Variants in SH3TC1 observed in about 807,000 individuals in gnomAD.
The protein encoded by SH3TC1 is SH3 domain and tetratricopeptide repeat-containing protein 1.
In SH3TC1, 135 loss-of-function variants were observed where a neutral mutation model predicts 117.3. The observed-to-expected ratio is 1.15, with a 90% CI of 1.00 to 1.33. SH3TC1 has a LOEUF of 1.33. SH3TC1 is among the 40% of genes most tolerant of loss of function. The pLI, the probability that SH3TC1 is intolerant of heterozygous loss-of-function variation, is 0.00. For missense variants in SH3TC1, 2,092 were observed against 1,794.3 expected, an observed-to-expected ratio of 1.17 and a Z score of -3.00; for synonymous variants, 898 against 816.9, an observed-to-expected ratio of 1.10 and a Z score of -1.69.
intron 8 of SH3TC1, 50 bp from the exon 9 acceptor site, chr4:8,219,285 T>A: frequency 6.7e-7 from 1 of 1,500,502 alleles, no homozygotes; most frequent in Middle Eastern, 1.8e-4. Context: ...CTGCCCGCTC[T>A]GGCCCCCATT....
intron 15 of SH3TC1, 36 bp downstream of exon 15, chr4:8,235,591 A>T (rs200827532): frequency 6.5e-7 from 1 of 1,532,672 alleles, no homozygotes; most frequent in Non-Finnish European, 8.8e-7. Flanking sequence ...GGTGGGCCCC[A>T]GGGGGGGCAC....
chr4:8,191,163 C>T (rs1185499674), intron 1 of SH3TC1, among the ~76,000 whole-genome samples: 1 of 152,198 alleles, frequency 6.6e-6, no homozygotes, highest in Non-Finnish European at 1.5e-5. Flanking sequence ...GAGCACTGTG[C>T]TAAGGAGTCT....
chr4:8,216,869 C>T (rs1719331553), intron 6 of SH3TC1, 88 bp from the exon 7 acceptor site: 6 of 1,380,038 alleles, frequency 4.3e-6, no homozygotes, highest in East Asian at 2.3e-5. Flanking sequence ...GTGTTGCCTT[C>T]GTTGTCTGTC....
At chr4:8,234,578 T>C (rs1028444897) in intron 14 of SH3TC1, among the ~76,000 whole-genome samples, 1 of 76,798 alleles carries the variant, frequency 1.3e-5, no homozygotes. Flanking sequence ...TATCCATCCA[T>C]CCACCCATCC....
intron 4 of SH3TC1, 137 bp from the exon 5 acceptor site, chr4:8,214,338 G>A: frequency 1.4e-6 from 1 of 715,006 alleles, no homozygotes; most frequent in Non-Finnish European, 2.3e-6. Context: ...CTTGGGCTGT[G>A]AAGGAATCTG....
At chr4:8,221,556 A>G (rs987796402) in intron 9 of SH3TC1, among the ~76,000 whole-genome samples, 1 of 152,198 alleles carries the variant, frequency 6.6e-6, no homozygotes, top group Admixed American at 6.5e-5. Context: ...AAATGTTAAC[A>G]TGTTATGACA....
In SH3TC1 at chr4:8,236,404, GC is replaced by G. The variant is rs777781120; in HGVS notation, c.3535del (p.Leu1179Ter). Reference sequence around the variant, plus strand: ...GGAGGGCTTGGAGTTTGCCCACATGGCCCTAGCACTCAGCATCACCCTGGGT... The same window carrying G: ...GGAGGGCTTGGAGTTTGCCCACATGGCCTAGCACTCAGCATCACCCTGGGT... The part of the protein sequence containing the change: ...PQEGLEFAHM[A>X]LALSITLGDR... On this transcript the variant is annotated frameshift_variant, in exon 16 of 18. Coordinates refer to ENST00000245105, the MANE Select transcript of SH3TC1 (RefSeq NM_018986.5). LOFTEE classifies it high-confidence loss of function. 6.6e-6 allele frequency: 10 copies of G among 1,513,354 alleles called. No individual in the cohort carries two copies. The highest frequency in any genetic ancestry group is 8.9e-6 in the Non-Finnish European group (10 of 1,125,662). The allele number at this position is 1,513,354 out of a possible 1,614,324, so 93.7% of individuals were successfully genotyped here.
intron 10 of SH3TC1, 87 bp downstream of exon 10, chr4:8,223,057 T>G (rs1178971622): frequency 2.2e-5 from 33 of 1,499,938 alleles, no homozygotes; most frequent in Non-Finnish European, 3.0e-5. Context: ...CCACAGATAG[T>G]GCCAGCCCCT....
At chr4:8,197,411 G>C (rs556895276), upstream of SH3TC1, among the ~76,000 whole-genome samples, 1 of 152,198 alleles carries the variant, frequency 6.6e-6, no homozygotes, top group African/African-American at 2.4e-5. Flanking sequence ...GCCCCTCGAC[G>C]AGGCCAGAGA....
chr4:8,219,479 G>A lies in SH3TC1; in HGVS notation c.1061G>A (p.Arg354Gln), dbSNP rs145790039. ...GTGGGCCGACACGCAGCCTCGGGCC[G>A]GGTGGGGTTTGTGCGGAGCAGCCTC... ...WCVGRHAASG[R>Q]VGFVRSSLIS... is the part of the protein sequence containing the mutation. Residue 354 changes from arginine (R) to glutamine (Q), a missense_variant, in exon 9 of 18, where the codon CGG becomes CAG. By Grantham distance (43) the Arg-to-Gln change is conservative. Coordinates refer to ENST00000245105, the MANE Select transcript of SH3TC1 (RefSeq NM_018986.5). 1.8e-5 allele frequency: 29 copies of A among 1,604,944 alleles called. No homozygotes were observed. The highest frequency in any genetic ancestry group is 5.4e-5 in the African/African-American group (4 of 74,716).
chr4:8,237,766 G>A lies in SH3TC1; in HGVS notation c.3753+96G>A, dbSNP rs1416923171. ...AGGCATGTGTTCCAGCCTTCCTTAA[G>A]AATGGCCCAGTGGCCTCCCTGGAGC... On this transcript the variant is annotated intron_variant, in intron 17 of 17. Transcript: ENST00000245105. The A allele has an allele frequency of 8.2e-6, 11 of 1,337,762 alleles. No individual in the cohort carries two copies. In the East Asian group the frequency reaches 2.7e-4, roughly 32 times the overall value. 82.9% of individuals were successfully genotyped at this position (1,337,762 alleles called of 1,614,324 possible). A position where few individuals can be genotyped will look rare whatever the true frequency, so the allele number is the denominator to read the frequency against.
chr4:8,211,561 C>A (rs1718732782), intron 3 of SH3TC1, among the ~76,000 whole-genome samples: 1 of 147,614 alleles, frequency 6.8e-6, no homozygotes, highest in Non-Finnish European at 1.5e-5. Flanking sequence ...CCCACCTTCT[C>A]CCTTGGGGCA....
chr4:8,222,886 A>G lies in SH3TC1; in HGVS notation c.1159A>G (p.Ser387Gly). Residue 387 changes from serine (S) to glycine (G), a missense_variant, in exon 10 of 18, where the codon AGC becomes GGC. Physicochemically the swap from Ser to Gly is moderately conservative, Grantham distance 56. Coordinates refer to ENST00000245105, the MANE Select transcript of SH3TC1 (RefSeq NM_018986.5). ...CAATGAGGAAGAAAAGTCATTCTTC[A>G]GCGAGGGCTGCTTTTCTGAGGAGGA... ...FLNEEEKSFF[S>G]EGCFSEEDAR... 6.2e-7 allele frequency: 1 copy of G among 1,613,824 alleles called. No individual in the cohort carries two copies. The highest frequency in any genetic ancestry group is 8.5e-7 in the Non-Finnish European group (1 of 1,179,912).
At position 8,240,888 on chromosome 4, in the gene SH3TC1, G is replaced by C; in HGVS notation, c.3944G>C (p.Arg1315Thr). Residue 1315 changes from arginine (R) to threonine (T), a missense_variant, in exon 18 of 18, where the codon AGG becomes ACG. Transcript: ENST00000245105. Reference protein sequence around the residue: ...RTFATELNVRRVNLPPLPLCG... With the variant: ...RTFATELNVRTVNLPPLPLCG... ...TTCGCCACAGAGCTCAACGTCCGCA[G>C]GGTCAACCTGCCTCCTCTGCCACTC... 1 of 1,613,266 alleles carries C rather than the reference G, an allele frequency of 6.2e-7. No individual in the cohort carries two copies. The highest frequency in any genetic ancestry group is 2.2e-5 in the East Asian group (1 of 44,866).
At position 8,235,928 on chromosome 4, in the gene SH3TC1, G is replaced by A. The variant is rs545865874; in HGVS notation, c.3406-350G>A. ...CCCAGGTCTGCATGCACCCCGAAGC[G>A]GGGACGGCTTCCCCCTTCCTCTGAG... is the stretch of plus-strand genomic sequence containing the variant. On this transcript the variant is annotated intron_variant, in intron 15 of 17. Transcript: ENST00000245105. 213 of 363,384 alleles carry A rather than the reference G, an allele frequency of 5.9e-4. 2 individuals carry two copies. Among genetic ancestry groups the A allele is most frequent in the Admixed American group, 1.9e-3 (43 of 22,706 alleles). 22.5% of individuals were successfully genotyped at this position (363,384 alleles called of 1,614,324 possible).
In SH3TC1 at chr4:8,228,149, G is replaced by A. The variant is rs756506881; in HGVS notation, c.2455G>A (p.Ala819Thr). The part of the protein sequence containing the change: ...MTQAVEASAI[A>T]GVRAIVDHLV... ...GCAGGCAGTGGAAGCCAGTGCTATTGCCGGAGTCCGTGCCATCGTGGACCA... is the reference window on the plus strand; with the variant it reads ...GCAGGCAGTGGAAGCCAGTGCTATTACCGGAGTCCGTGCCATCGTGGACCA... Residue 819 changes from alanine (A) to threonine (T), a missense_variant, in exon 12 of 18, where the codon GCC becomes ACC. Ala to Thr is a moderately conservative substitution (Grantham distance 58). Transcript: ENST00000245105. 6.2e-6 allele frequency: 10 copies of A among 1,612,322 alleles called. No individual in the cohort carries two copies. The highest frequency in any genetic ancestry group is 1.7e-5 in the Admixed American group (1 of 59,966).
At position 8,241,051 on chromosome 4, in the gene SH3TC1, C is replaced by G; in HGVS notation, c.*96C>G. ...GCTCATTTTCTGGCAAATGGAGGCA[C>G]GAACGCAGGGGCCAAATAGCAATAA... is the stretch of plus-strand genomic sequence containing the variant. On this transcript the variant is annotated 3_prime_UTR_variant, in exon 18 of 18. Transcript: ENST00000245105. 5 of 1,518,140 alleles carry G rather than the reference C, an allele frequency of 3.3e-6. No individual in the cohort carries two copies. The highest frequency in any genetic ancestry group is 1.2e-5 in the South Asian group (1 of 82,866). The allele number at this position is 1,518,140 out of a possible 1,614,324, so 94.0% of individuals were successfully genotyped here.
Position 8,227,717 on chromosome 4 carries a change from C to T in SH3TC1, c.2023C>T (p.His675Tyr), listed in dbSNP as rs1362417209. 3.8e-6 allele frequency: 6 copies of T among 1,581,190 alleles called. No homozygotes were observed. Residue 675 changes from histidine (H) to tyrosine (Y), a missense_variant, in exon 12 of 18, where the codon CAC (histidine) becomes TAC (tyrosine). Coordinates refer to ENST00000245105, the MANE Select transcript of SH3TC1 (RefSeq NM_018986.5). Reference sequence around the variant, plus strand: ...GGCCTGCTTCCTGCTGGCCAGGCACCACGTGCACCTCAAGCAGCCCGAGGA... The same window carrying T: ...GGCCTGCTTCCTGCTGGCCAGGCACTACGTGCACCTCAAGCAGCCCGAGGA... Reference protein sequence around the residue: ...ARACFLLARHHVHLKQPEEAL... With the variant: ...ARACFLLARHYVHLKQPEEAL...
At position 8,240,701 on chromosome 4, in the gene SH3TC1, C is replaced by G; in HGVS notation, c.3757C>G (p.Pro1253Ala). The G allele has an allele frequency of 6.2e-7, 1 of 1,613,978 alleles. No homozygotes were observed. The highest frequency in any genetic ancestry group is 8.5e-7 in the Non-Finnish European group (1 of 1,180,030). ...GDIIFYDLKD[P>A]FDAAGYYQLA... ...GAGCATGGCCTGTCCCCTTCAGGACCCGTTTGATGCAGCCGGGTACTACCA... is the reference window on the plus strand; with the variant it reads ...GAGCATGGCCTGTCCCCTTCAGGACGCGTTTGATGCAGCCGGGTACTACCA... Residue 1253 changes from proline to alanine, a missense_variant, in exon 18 of 18, where the codon CCG becomes GCG. Coordinates refer to ENST00000245105, the MANE Select transcript of SH3TC1 (RefSeq NM_018986.5).
Sources: allele counts gnomAD v4.1 joint callset (sites outside exome capture counted in the v4.1 genomes callset), GRCh38; gene constraint gnomAD v4.1.1; transcripts MANE v1.5; gene names NCBI Gene and HGNC (gene_info 2026-07-23, HGNC 2026-07-21).